Variants in IGSF21 observed in about 807,000 individuals in gnomAD.
IGSF21 encodes immunoglobulin superfamily member 21.
In IGSF21, 28 loss-of-function variants were observed where a neutral mutation model predicts 46.8. The ratio of observed to expected loss-of-function variants is 0.60; its 90% CI spans 0.44 to 0.82. The LOEUF is 0.82. Ranked by LOEUF, IGSF21 falls within the 40% of genes least tolerant of loss-of-function variation. The probability of loss-of-function intolerance (pLI) is 0.00; values close to 1 mark genes in which losing one functional copy is unlikely to be tolerated. For synonymous variants in IGSF21, 284 were observed against 273.6 expected (o/e 1.04, Z -0.38); for missense variants, 624 against 665.5 (o/e 0.94, Z 0.69).
intron 4 of IGSF21, among the ~76,000 whole-genome samples, chr1:18,358,414 T>C (rs1467623409): frequency 6.6e-6 from 1 of 152,222 alleles, no homozygotes; most frequent in Non-Finnish European, 1.5e-5. Flanking sequence ...TATCTTACGC[T>C]CTTCTTAAAA....
chr1:18,191,457 G>C (rs540468497), intron 1 of IGSF21, among the ~76,000 whole-genome samples: 1 of 152,134 alleles, frequency 6.6e-6, no homozygotes, highest in Non-Finnish European at 1.5e-5. Context: ...AAGGACTCCC[G>C]GAGCAGGAGA....
At chr1:18,326,960 CAGTG>C (rs1474479213) in intron 3 of IGSF21, among the ~76,000 whole-genome samples, 1 of 152,172 alleles carries the variant, frequency 6.6e-6, no homozygotes. Context: ...CCAAGCAAGA[CAGTG>C]GGGTGGAGGC....
chr1:18,252,256 T>A (rs1217780626), intron 2 of IGSF21, among the ~76,000 whole-genome samples: 3 of 152,026 alleles, frequency 2.0e-5, no homozygotes, highest in Non-Finnish European at 2.9e-5. Flanking sequence ...TTCACCGTGT[T>A]ATCAGGATGG....
chr1:18,345,423 C>A (rs748570639), intron 4 of IGSF21, among the ~76,000 whole-genome samples: 18 of 152,102 alleles, frequency 1.2e-4, no homozygotes, highest in Non-Finnish European at 2.5e-4. Context: ...CTCACTCTGT[C>A]GCCTAGGCTG....
chr1:18,229,683 G>A (rs764829042), intron 2 of IGSF21, among the ~76,000 whole-genome samples: 2 of 152,218 alleles, frequency 1.3e-5, no homozygotes, highest in African/African-American at 2.4e-5. Context: ...AAGGAAGGGT[G>A]CCATCCTGGA....
intron 1 of IGSF21, among the ~76,000 whole-genome samples, chr1:18,147,267 T>C (rs1570267551): frequency 1.3e-5 from 2 of 152,274 alleles, no homozygotes; most frequent in African/African-American, 4.8e-5. Flanking sequence ...TGCCTTACTC[T>C]CCTTCCTCTG....
chr1:18,359,087 G>T (rs1360537300), intron 4 of IGSF21, among the ~76,000 whole-genome samples: 4 of 151,832 alleles, frequency 2.6e-5, no homozygotes. Context: ...AATATAGCAA[G>T]ACCCTAGCTC....
chr1:18,341,034 TC>T (rs2085832160), intron 4 of IGSF21, among the ~76,000 whole-genome samples: 1 of 107,088 alleles, frequency 9.3e-6, no homozygotes, highest in Admixed American at 1.0e-4. Flanking sequence ...TTCTTCTTCT[TC>T]TTCTTCTTCC....
intron 2 of IGSF21, among the ~76,000 whole-genome samples, chr1:18,236,217 A>T (rs2084671567): frequency 6.6e-6 from 1 of 152,168 alleles, no homozygotes; most frequent in Non-Finnish European, 1.5e-5. Flanking sequence ...AGCTTCCCCC[A>T]TACTGTTCTC....
intron 2 of IGSF21, among the ~76,000 whole-genome samples, chr1:18,263,840 G>A (rs371204408): frequency 8.5e-5 from 13 of 152,242 alleles, no homozygotes; most frequent in African/African-American, 2.2e-4. Context: ...AAATTTTCTC[G>A]TCTTCTTTCT....
intron 2 of IGSF21, among the ~76,000 whole-genome samples, chr1:18,279,489 C>T (rs867293659): frequency 6.6e-6 from 1 of 152,142 alleles, no homozygotes; most frequent in African/African-American, 2.4e-5. Context: ...GTGTTAACGC[C>T]ACCCCCATAG....
chr1:18,349,541 G>C (rs608546), intron 4 of IGSF21, among the ~76,000 whole-genome samples: 54,619 of 151,898 alleles, frequency 0.36, 9,899 homozygotes, highest in South Asian at 0.49. Context: ...ATGAGGGGCA[G>C]AAAAGCATGG....
intron 1 of IGSF21, among the ~76,000 whole-genome samples, chr1:18,169,329 C>T (rs2086712037): frequency 6.6e-6 from 1 of 152,178 alleles, no homozygotes; most frequent in Admixed American, 6.5e-5. Flanking sequence ...GGCCCCTGTG[C>T]TTGGGGAATT....
intron 3 of IGSF21, among the ~76,000 whole-genome samples, chr1:18,329,638 G>T (rs1363880011): frequency 6.6e-6 from 1 of 152,188 alleles, no homozygotes; most frequent in Non-Finnish European, 1.5e-5. Flanking sequence ...TCTTTGGAGG[G>T]CTGGGCAGTC....
chr1:18,137,732 A>T (rs2086380368), intron 1 of IGSF21, among the ~76,000 whole-genome samples: 2 of 152,158 alleles, frequency 1.3e-5, no homozygotes, highest in African/African-American at 2.4e-5. Flanking sequence ...TCATCTGGTG[A>T]TCCTACCACA....
intron 3 of IGSF21, among the ~76,000 whole-genome samples, chr1:18,318,285 G>T (rs905537580): frequency 6.6e-6 from 1 of 152,012 alleles, no homozygotes; most frequent in Non-Finnish European, 1.5e-5. Context: ...TTCTCACCTT[G>T]CCCTCACTAC....
intron 2 of IGSF21, among the ~76,000 whole-genome samples, chr1:18,253,205 C>T (rs975802955): frequency 1.4e-5 from 2 of 147,616 alleles, no homozygotes; most frequent in African/African-American, 4.9e-5. Flanking sequence ...CCCCGTGTTT[C>T]TCTGCTGTAA....
chr1:18,321,895 T>G (rs894955181), intron 3 of IGSF21, among the ~76,000 whole-genome samples: 3 of 152,118 alleles, frequency 2.0e-5, no homozygotes, highest in Non-Finnish European at 4.4e-5. Context: ...GTAAGCAACA[T>G]CCCTGTGACT....
intron 1 of IGSF21, among the ~76,000 whole-genome samples, chr1:18,178,632 T>A (rs2086827296): frequency 6.6e-6 from 1 of 152,198 alleles, no homozygotes; most frequent in Non-Finnish European, 1.5e-5. Flanking sequence ...GATTGTTCAG[T>A]TAAAAATCTT....
Sources: allele counts gnomAD v4.1 joint callset (sites outside exome capture counted in the v4.1 genomes callset), GRCh38; gene constraint gnomAD v4.1.1; transcripts MANE v1.5; gene names NCBI Gene and HGNC (gene_info 2026-07-23, HGNC 2026-07-21).